MYSM1: variants seen among roughly 807,000 people sequenced by gnomAD.
MYSM1 encodes the protein Myb like, SWIRM and MPN domains 1, also known as deubiquitinase MYSM1.
In MYSM1, 51 loss-of-function variants were observed where a neutral mutation model predicts 116.0. The ratio of observed to expected loss-of-function variants is 0.44; its 90% CI spans 0.35 to 0.56. The LOEUF (loss-of-function observed/expected upper bound fraction) is 0.56, where lower values mean the gene tolerates loss of function less well. MYSM1 is among the 20% of genes least tolerant of loss of function. The pLI is 0.00. For missense variants in MYSM1, 900 were observed against 974.9 expected (o/e 0.92, Z 1.02); for synonymous variants, 313 against 315.2 (o/e 0.99, Z 0.07).
chr1:58,697,868 C>T (rs12078684), intron 1 of MYSM1, among the ~76,000 whole-genome samples: 5 of 150,972 alleles, frequency 3.3e-5, no homozygotes, highest in African/African-American at 1.2e-4. Context: ...GGATTACAGG[C>T]ATGAGCCACC....
intron 2 of MYSM1, 106 bp downstream of exon 2, chr1:58,695,023 C>T: frequency 1.9e-6 from 1 of 535,650 alleles, no homozygotes. Flanking sequence ...AATATTATAT[C>T]TGTGATAGTT....
At chr1:58,676,544 C>T (rs1034888923) in intron 9 of MYSM1, among the ~76,000 whole-genome samples, 28 of 151,944 alleles carry the variant, frequency 1.8e-4, no homozygotes, top group African/African-American at 6.5e-4. Context: ...TAGAGGCTCA[C>T]AAATTATTTC....
Position 58,658,958 on chromosome 1 carries a change from A to AACACAACAC in MYSM1, c.*1038_*1039insGTGTTGTGT, listed in dbSNP as rs1644353943. ...TTTTTATCATTTTAAAGGGCTGTAA[A>AACACAACAC]ACACACACACACACACACACACACA... On this transcript the variant is annotated 3_prime_UTR_variant, in exon 20 of 20. Transcript: ENST00000472487. 7.3e-6 allele frequency: 1 copy of AACACAACAC among 137,878 alleles called. No homozygotes were observed. The highest frequency in any genetic ancestry group is 2.7e-5 in the African/African-American group (1 of 37,052). The allele number at this position is 137,878 out of a possible 1,614,324, so 8.5% of individuals were successfully genotyped here.
intron 5 of MYSM1, chr1:58,689,659 T>C (rs998107799): frequency 3.3e-5 from 5 of 152,720 alleles, no homozygotes; most frequent in African/African-American, 1.2e-4. Context: ...ATCCTTTTGT[T>C]AACTTCATTT....
chr1:58,668,567 C>T, intron 14 of MYSM1, 65 bp downstream of exon 14: 1 of 1,530,486 alleles, frequency 6.5e-7, no homozygotes, highest in Non-Finnish European at 8.8e-7. Flanking sequence ...TGTCTTACGC[C>T]TGCAATAAAA....
intron 3 of MYSM1, chr1:58,692,603 A>C: frequency 3.4e-6 from 1 of 298,356 alleles, no homozygotes; most frequent in South Asian, 1.1e-4. Flanking sequence ...TATCATTTCT[A>C]CTCAATATTC....
At chr1:58,669,846 A>AC (rs1644530590) in intron 12 of MYSM1, among the ~76,000 whole-genome samples, 1 of 147,256 alleles carries the variant, frequency 6.8e-6, no homozygotes, top group Admixed American at 7.0e-5. Flanking sequence ...CAAAAAAAAA[A>AC]AAAAAAAAAA....
At chr1:58,661,054 A>G in intron 19 of MYSM1, 116 bp downstream of exon 19, 1 of 755,812 alleles carries the variant, frequency 1.3e-6, no homozygotes, top group Non-Finnish European at 2.2e-6. Flanking sequence ...AAAAAGTAAT[A>G]AAAGAAATAT....
rs1004987236 is a variant in MYSM1 at position 58,655,886 on chromosome 1, A to C, written c.*4111T>G. The C allele has an allele frequency of 4.6e-5, 7 of 152,220 alleles. No individual in the cohort carries two copies. In the East Asian group the frequency reaches 1.4e-3, roughly 29 times the overall value. The allele number at this position is 152,220 out of a possible 1,614,324, so 9.4% of individuals were successfully genotyped here. A position where few individuals can be genotyped will look rare whatever the true frequency, so the allele number is the denominator to read the frequency against. On this transcript the variant is annotated 3_prime_UTR_variant, in exon 20 of 20. Coordinates refer to ENST00000472487, the MANE Select transcript of MYSM1 (RefSeq NM_001085487.3). ...TTTCCTAAATACCATATATTGGTAG[A>C]GTATAGGTGAAAAAAAAAATAAAAT...
In MYSM1 at chr1:58,665,610, C is replaced by T; in HGVS notation, c.2053G>A (p.Ala685Thr). Residue 685 changes from alanine (A) to threonine (T), a missense_variant, in exon 17 of 20, where the codon GCA becomes ACA. Around this residue, in one of 3 missense-constraint regions of MYSM1, gnomAD observed 186 missense variants for 196.2 expected, o/e 0.95. Transcript: ENST00000472487. ...CTAACAATCATCCCAATGAACTTTG[C>T]ACCTCCTCTGGAGAAGTAACTCTAC... ...KYQSYFSRGG[A>T]KFIGMIVSPY... 6.4e-7 allele frequency: 1 copy of T among 1,567,690 alleles called. No individual in the cohort carries two copies. Among genetic ancestry groups the T allele is most frequent in the Non-Finnish European group, 8.8e-7 (1 of 1,141,442 alleles).
chr1:58,698,103 T>TATA (rs1491530995), intron 1 of MYSM1, among the ~76,000 whole-genome samples: 2 of 16,710 alleles, frequency 1.2e-4, no homozygotes, highest in South Asian at 1.8e-3. Flanking sequence ...TATATATATA[T>TATA]TTTTTTTTTT....
intron 14 of MYSM1, chr1:58,668,335 G>T: frequency 2.5e-6 from 2 of 789,086 alleles, no homozygotes; most frequent in Non-Finnish European, 3.3e-6. Flanking sequence ...AATTACAGGA[G>T]TTGTGCTTTG....
chr1:58,692,822 C>T lies in MYSM1; in HGVS notation c.218+39G>A, dbSNP rs187896677. 3.9e-6 allele frequency: 6 copies of T among 1,531,230 alleles called. 1 individual carries two copies. In the East Asian group the frequency reaches 1.2e-4, roughly 29 times the overall value. The allele number at this position is 1,531,230 out of a possible 1,614,324, so 94.9% of individuals were successfully genotyped here. A position where few individuals can be genotyped will look rare whatever the true frequency, so the allele number is the denominator to read the frequency against. ...TTTTGCATTTATAGATTTTTTTCAC[C>T]CTGAAACCTGTACTTTCCTCATAAT... On this transcript the variant is annotated intron_variant, in intron 3 of 19. Coordinates refer to ENST00000472487, the MANE Select transcript of MYSM1 (RefSeq NM_001085487.3).
At chr1:58,699,114 G>C (rs1645026022) in intron 1 of MYSM1, among the ~76,000 whole-genome samples, 1 of 152,214 alleles carries the variant, frequency 6.6e-6, no homozygotes, top group Non-Finnish European at 1.5e-5. Context: ...TTCCTGGCTA[G>C]TCTAGGACTC....
chr1:58,667,821 AC>A (rs1644497341), intron 15 of MYSM1, 25 bp downstream of exon 15: 1 of 1,435,146 alleles, frequency 7.0e-7, no homozygotes, highest in Non-Finnish European at 9.8e-7. Flanking sequence ...AATAACTAAA[AC>A]ATTTTTTTAA....
chr1:58,695,237 G>C (rs745695398), intron 1 of MYSM1, 30 bp from the exon 2 acceptor site: 2 of 1,381,512 alleles, frequency 1.4e-6, no homozygotes, highest in South Asian at 1.2e-5. Context: ...GAGTATATAA[G>C]TGAAAATCAT....
chr1:58,678,456 T>TTCATATTCC (rs1376693040), intron 8 of MYSM1, among the ~76,000 whole-genome samples: 1 of 152,170 alleles, frequency 6.6e-6, no homozygotes, highest in African/African-American at 2.4e-5. Context: ...GAACAAATGG[T>TTCATATTCC]AAGGACTCTA....
intron 12 of MYSM1, among the ~76,000 whole-genome samples, chr1:58,669,669 A>C (rs564538495): frequency 6.6e-6 from 1 of 151,918 alleles, no homozygotes; most frequent in East Asian, 1.9e-4. Context: ...CCTACAAAAG[A>C]ATTTCAAAAC....
chr1:58,693,927 C>G (rs1221905929), intron 2 of MYSM1, among the ~76,000 whole-genome samples: 2 of 152,210 alleles, frequency 1.3e-5, no homozygotes, highest in East Asian at 3.8e-4. Context: ...GAACTCTAGC[C>G]TGCCTCTCCA....
Sources: gnomAD v4.1 joint callset for allele counts (sites outside exome capture counted in the v4.1 genomes callset) on GRCh38, gnomAD v4.1.1 for gene constraint, gnomAD v4.1.1 regional missense constraint, MANE v1.5 for transcripts, NCBI Gene and HGNC (gene_info 2026-07-23, HGNC 2026-07-21) for gene names.